Variants in SNAPC2 observed in about 807,000 individuals in gnomAD.
SNAPC2 encodes the protein small nuclear RNA activating complex polypeptide 2.
Under a neutral mutation model 22.9 loss-of-function variants are expected in SNAPC2, and 27 were observed. The ratio of observed to expected loss-of-function variants is 1.18; its 90% confidence interval spans 0.87 to 1.63. The LOEUF is 1.63. SNAPC2 is among the 40% of genes most tolerant of loss of function. SNAPC2 has a pLI of 0.00. For synonymous variants in SNAPC2, 272 were observed against 201.0 expected (o/e 1.35, Z -2.99); for missense variants, 570 against 449.1 (o/e 1.27, Z -2.43).
Position 7,922,077 on chromosome 19 carries a change from TCCAAGCCCC to T in SNAPC2, c.424_432del (p.Pro142_Pro144del), listed in dbSNP as rs1983595394. ...CACGGAACCGGTCACCCTCCTGCACTCCAAGCCCCCCAAGCCCACGCAGGCCCGTGGAAA... is the reference window on the plus strand; with the variant it reads ...CACGGAACCGGTCACCCTCCTGCACTCCAAGCCCACGCAGGCCCGTGGAAA... On this transcript the variant is annotated inframe_deletion, in exon 4 of 5. Transcript: ENST00000221573. 1.9e-6 allele frequency: 3 copies of T among 1,613,316 alleles called. No individual in the cohort carries two copies. The highest frequency in any genetic ancestry group is 2.2e-5 in the East Asian group (1 of 44,872).
At position 7,922,165 on chromosome 19, in the gene SNAPC2, C is replaced by G. The variant is rs772674180; in HGVS notation, c.503C>G (p.Pro168Arg). The change falls in exon 4 of 5, where the codon CCT becomes CGT. Residue 168 changes from proline (P) to arginine (R), a missense_variant. Coordinates refer to ENST00000221573, the MANE Select transcript of SNAPC2 (RefSeq NM_003083.4). ...CAGGAAGACCCCGCCCCTGAAATACCTAGCTCTGCCCCTGCTGCACCTAGC... is the reference window on the plus strand; with the variant it reads ...CAGGAAGACCCCGCCCCTGAAATACGTAGCTCTGCCCCTGCTGCACCTAGC... ...GGQEDPAPEI[P>R]SSAPAAPSSA... The G allele has an allele frequency of 6.2e-7, 1 of 1,613,970 alleles. No individual in the cohort carries two copies. The highest frequency in any genetic ancestry group is 8.5e-7 in the Non-Finnish European group (1 of 1,180,022).
chr19:7,920,840 C>G (rs1234731365), intron 1 of SNAPC2: 2 of 620,102 alleles, frequency 3.2e-6, no homozygotes, highest in Non-Finnish European at 4.4e-6. Context: ...GGCGTGCGTG[C>G]CGCTGAGGTT....
intron 3 of SNAPC2, 36 bp from the exon 4 acceptor site, chr19:7,921,999 C>T (rs1983591769): frequency 1.3e-6 from 2 of 1,578,738 alleles, no homozygotes; most frequent in South Asian, 1.2e-5. Flanking sequence ...GAAGACTTCC[C>T]AGCTCCTCTT....
chr19:7,922,238 G>C lies in SNAPC2; in HGVS notation c.576G>C (p.Ser192=), dbSNP rs185154761. The C allele has an allele frequency of 2.5e-6, 4 of 1,614,078 alleles. No individual in the cohort carries two copies. The Admixed American group carries it at 5.0e-5, about 20-fold the overall frequency. The change falls in exon 4 of 5, where the codon TCG becomes TCC. Residue 192 remains serine (S), a synonymous_variant. Coordinates refer to ENST00000221573, the MANE Select transcript of SNAPC2 (RefSeq NM_003083.4). Reference sequence around the variant, plus strand: ...CTGCCCCTGAGAAACCTTCTGAGTCGTCGGCTGGTCCCTCCACTGAAGAAG... The same window carrying C: ...CTGCCCCTGAGAAACCTTCTGAGTCCTCGGCTGGTCCCTCCACTGAAGAAG... ...PDPAPEKPSE[S]SAGPSTEEDF...
In SNAPC2 at chr19:7,923,006, G is replaced by A. The variant is rs1983645565; in HGVS notation, c.*242G>A. 2.1e-6 allele frequency: 1 copy of A among 480,520 alleles called. No homozygotes were observed. Among genetic ancestry groups the A allele is most frequent in the East Asian group, 3.5e-5 (1 of 28,746 alleles). 29.8% of individuals were successfully genotyped at this position (480,520 alleles called of 1,614,324 possible). On this transcript the variant is annotated 3_prime_UTR_variant, in exon 5 of 5. Transcript: ENST00000221573. ...CACAAGCCTCCTGATGTCAAGGACAGGCGGACAGGGCTGGCCTCCCCCAGT... is the reference window on the plus strand; with the variant it reads ...CACAAGCCTCCTGATGTCAAGGACAAGCGGACAGGGCTGGCCTCCCCCAGT...
In SNAPC2 at chr19:7,921,788, C is replaced by T. The variant is rs1164915318; in HGVS notation, c.372+15C>T. ...CTTTCTCGCAGGTACCGCCATTCCC[C>T]CAGGCAGGTCAGGGTGTCCCAGAGG... On this transcript the variant is annotated intron_variant, in intron 3 of 4. Transcript: ENST00000221573. 1.9e-6 allele frequency: 3 copies of T among 1,610,218 alleles called. No individual in the cohort carries two copies. The highest frequency in any genetic ancestry group is 2.5e-6 in the Non-Finnish European group (3 of 1,177,812).
chr19:7,922,416 C>T (rs1983612912), intron 4 of SNAPC2, 29 bp from the exon 5 acceptor site: 2 of 1,582,132 alleles, frequency 1.3e-6, no homozygotes, highest in East Asian at 2.2e-5. Context: ...AGGGGTGTCC[C>T]CTTACCCCTC....
At position 7,922,712 on chromosome 19, in the gene SNAPC2, C is replaced by T. The variant is rs1214286372; in HGVS notation, c.953C>T (p.Pro318Leu). The change falls in exon 5 of 5, where the codon CCG becomes CTG. Residue 318 changes from proline to leucine, a missense_variant. Physicochemically the swap from Pro to Leu is moderately conservative, Grantham distance 98. Coordinates refer to ENST00000221573, the MANE Select transcript of SNAPC2 (RefSeq NM_003083.4). ...WQAAGICPLN[P>L]FLVPLELLGR... ...GCAGCTGGGATCTGTCCCCTGAACC[C>T]GTTCCTGGTGCCCCTGGAGCTTCTG... 5 of 1,608,734 alleles carry T rather than the reference C, an allele frequency of 3.1e-6. No individual in the cohort carries two copies. The highest frequency in any genetic ancestry group is 2.2e-5 in the East Asian group (1 of 44,730).
chr19:7,922,655 C>T lies in SNAPC2; in HGVS notation c.896C>T (p.Ala299Val). The part of the protein sequence containing the change: ...PEETPPATEK[A>V]EHSELKSPWQ... ...GAGACCCCCCCAGCCACCGAGAAGG[C>T]CGAGCACAGCGAACTGAAATCGCCT... The change falls in exon 5 of 5, where the codon GCC (alanine) becomes GTC (valine). Residue 299 changes from alanine (A) to valine (V), a missense_variant. Physicochemically the swap from Ala to Val is moderately conservative, Grantham distance 64. Transcript: ENST00000221573. 1.2e-6 allele frequency: 2 copies of T among 1,613,666 alleles called. No homozygotes were observed. Among genetic ancestry groups the T allele is most frequent in the Non-Finnish European group, 1.7e-6 (2 of 1,179,950 alleles).
chr19:7,922,755 TGCC>T lies in SNAPC2; in HGVS notation c.997_999del (p.Ala333del). 2 of 1,585,342 alleles carry T rather than the reference TGCC, an allele frequency of 1.3e-6. No individual in the cohort carries two copies. Among genetic ancestry groups the T allele is most frequent in the Non-Finnish European group, 1.7e-6 (2 of 1,160,578 alleles). On this transcript the variant is annotated inframe_deletion, in exon 5 of 5. Transcript: ENST00000221573. The stretch of plus-strand genomic sequence containing the variant: ...AGCTTCTGGGTCGGGCAGCCACCCC[TGCC>T]AGGTGAGGGGCATGGCGGGCAGGAG...
At position 7,923,040 on chromosome 19, in the gene SNAPC2, C is replaced by T; in HGVS notation, c.*276C>T. On this transcript the variant is annotated 3_prime_UTR_variant, in exon 5 of 5. Transcript: ENST00000221573. ...GGCTGGCCTCCCCCAGTCCCCAAGC[C>T]CCACTGTGCCTTGTTGTCTGCTGGG... 1 of 423,320 alleles carries T rather than the reference C, an allele frequency of 2.4e-6. No homozygotes were observed. The highest frequency in any genetic ancestry group is 4.2e-6 in the Non-Finnish European group (1 of 237,442). 26.2% of individuals were successfully genotyped at this position (423,320 alleles called of 1,614,324 possible).
At position 7,922,457 on chromosome 19, in the gene SNAPC2, T is replaced by C. The variant is rs1420568784; in HGVS notation, c.698T>C (p.Val233Ala). Residue 233 changes from valine (V) to alanine (A), a missense_variant, in exon 5 of 5, where the codon GTC becomes GCC. Physicochemically the swap from Val to Ala is moderately conservative, Grantham distance 64. Coordinates refer to ENST00000221573, the MANE Select transcript of SNAPC2 (RefSeq NM_003083.4). ...PELSAAESAVVLDLLMSLPEE... is the reference protein window; with the variant it reads ...PELSAAESAVALDLLMSLPEE... ...CATCCATCACTAGAGTCCGCTGTGG[T>C]CCTCGACCTGCTCATGTCACTTCCA... The C allele has an allele frequency of 1.9e-6, 3 of 1,590,056 alleles. No homozygotes were observed. In the African/African-American group the frequency reaches 4.0e-5, roughly 21 times the overall value.
At chr19:7,921,101 G>C (rs1439249618) in intron 1 of SNAPC2, 2 of 1,259,298 alleles carry the variant, frequency 1.6e-6, no homozygotes, top group South Asian at 1.9e-5. Flanking sequence ...CATGCTGTTG[G>C]ACAGGATACG....
chr19:7,921,975 T>A, intron 3 of SNAPC2, 60 bp from the exon 4 acceptor site: 4 of 1,532,956 alleles, frequency 2.6e-6, no homozygotes, highest in Non-Finnish European at 2.7e-6. Context: ...GATGGGGGAA[T>A]GTGTAGACGG....
chr19:7,921,694 G>A lies in SNAPC2; in HGVS notation c.304-11G>A, dbSNP rs779742609. 3.1e-6 allele frequency: 5 copies of A among 1,613,376 alleles called. No individual in the cohort carries two copies. Among genetic ancestry groups the A allele is most frequent in the Non-Finnish European group, 1.7e-6 (2 of 1,179,734 alleles). On this transcript the variant is annotated splice_polypyrimidine_tract_variant and intron_variant, in intron 2 of 4. Coordinates refer to ENST00000221573, the MANE Select transcript of SNAPC2 (RefSeq NM_003083.4). Reference sequence around the variant, plus strand: ...TCCCTGGGCTGACCCTGTACCTCTGGCTTCACTCAGGTCTGGACGGATCTG... The same window carrying A: ...TCCCTGGGCTGACCCTGTACCTCTGACTTCACTCAGGTCTGGACGGATCTG...
Position 7,922,907 on chromosome 19 carries a change from G to GC in SNAPC2, c.*147dup. On this transcript the variant is annotated 3_prime_UTR_variant, in exon 5 of 5. Transcript: ENST00000221573. ...CAGCTGTGGGGCGGGCCTCTAAGAT[G>GC]CCCCATACTTTGGGGGTCTCAGAAA... is the stretch of plus-strand genomic sequence containing the variant. The GC allele has an allele frequency of 1.5e-6, 1 of 665,870 alleles. No individual in the cohort carries two copies. The highest frequency in any genetic ancestry group is 2.5e-6 in the Non-Finnish European group (1 of 404,266). 41.2% of individuals were successfully genotyped at this position (665,870 alleles called of 1,614,324 possible).
At chr19:7,921,571 C>T (rs1403064683) in intron 2 of SNAPC2, 29 bp downstream of exon 2, 2 of 1,605,930 alleles carry the variant, frequency 1.2e-6, no homozygotes, top group Non-Finnish European at 1.7e-6. Flanking sequence ...GTGAGGCTGT[C>T]CAGGGCAGGT....
chr19:7,921,362 G>T, intron 1 of SNAPC2, 61 bp from the exon 2 acceptor site: 1 of 1,611,924 alleles, frequency 6.2e-7, no homozygotes. Context: ...TTGGGCTTTG[G>T]CTTCTCTGCT....
chr19:7,922,606 G>A lies in SNAPC2; in HGVS notation c.847G>A (p.Gly283Arg), dbSNP rs201163769. Residue 283 changes from glycine to arginine, a missense_variant, in exon 5 of 5, where the codon GGG (glycine) becomes AGG (arginine). By Grantham distance (125) the Gly-to-Arg change is moderately radical (BLOSUM62 -2). Coordinates refer to ENST00000221573, the MANE Select transcript of SNAPC2 (RefSeq NM_003083.4). Reference protein sequence around the residue: ...GSLGPAAEGDGAGSKAPEETP... With the variant: ...GSLGPAAEGDRAGSKAPEETP... ...CCTGGGGCCTGCAGCAGAAGGGGATGGGGCTGGCTCCAAGGCACCAGAGGA... is the reference window on the plus strand; with the variant it reads ...CCTGGGGCCTGCAGCAGAAGGGGATAGGGCTGGCTCCAAGGCACCAGAGGA... 5.5e-5 allele frequency: 88 copies of A among 1,613,544 alleles called. No individual in the cohort carries two copies. Among genetic ancestry groups the A allele is most frequent in the East Asian group, 2.0e-4 (9 of 44,878 alleles).
Sources: allele counts gnomAD v4.1 joint callset, GRCh38; gene constraint gnomAD v4.1.1; transcripts MANE v1.5; gene names NCBI Gene and HGNC (gene_info 2026-07-23, HGNC 2026-07-21).